PRKCH: variants seen among roughly 807,000 people sequenced by gnomAD.
PRKCH encodes protein kinase C eta type.
A neutral mutation model predicts 82.5 loss-of-function variants in PRKCH; 28 were observed. That is an observed-to-expected ratio of 0.34 (90% CI 0.25 to 0.47). The LOEUF (loss-of-function observed/expected upper bound fraction) is 0.47. PRKCH is among the 20% of genes least tolerant of loss of function. PRKCH has a pLI of 1.00. For missense variants in PRKCH, 705 were observed against 881.8 expected (o/e 0.80, Z 2.54); for synonymous variants, 322 against 327.4 (o/e 0.98, Z 0.18).
intron 2 of PRKCH, among the ~76,000 whole-genome samples, chr14:61,410,547 A>T (rs558562284): frequency 4.3e-4 from 66 of 152,218 alleles, no homozygotes; most frequent in African/African-American, 1.6e-3. Flanking sequence ...GATGCTGGTG[A>T]ATGGAGTCTA....
intron 1 of PRKCH, among the ~76,000 whole-genome samples, chr14:61,301,564 A>G (rs1418941179): frequency 1.3e-5 from 2 of 152,246 alleles, no homozygotes; most frequent in Non-Finnish European, 2.9e-5. Flanking sequence ...ACATCTGTTC[A>G]GGCACTGAGG....
intron 1 of PRKCH, among the ~76,000 whole-genome samples, chr14:61,367,746 G>A (rs1270909130): frequency 1.4e-5 from 2 of 138,880 alleles, no homozygotes; most frequent in Admixed American, 7.6e-5. Context: ...AAACAGTCTC[G>A]CTCTTTCACC....
Position 61,225,987 on chromosome 14 carries a change from T to A in PRKCH, c.-19+38319T>A, listed in dbSNP as rs77107171. On this transcript the variant is annotated intron_variant, in intron 1 of 3. Coordinates refer to the PRKCH transcript ENST00000555185. ...ATAAATATAATCTCAGGGGTGGGAATGTTTTTAATGAGAAGTAAAAATATC... is the reference window on the plus strand; with the variant it reads ...ATAAATATAATCTCAGGGGTGGGAAAGTTTTTAATGAGAAGTAAAAATATC... Among the ~76,000 whole-genome samples the A allele has an allele frequency of 4.2e-3, 636 of 152,334 alleles. 5 individuals are homozygous for A. Among genetic ancestry groups the A allele is most frequent in the African/African-American group, 0.015 (612 of 41,578 alleles).
rs1456417947 is a variant in PRKCH at position 61,322,335 on chromosome 14, C to T, written c.234C>T (p.Asp78=). Residue 78 remains aspartate, a synonymous_variant, in exon 1 of 14, where the codon GAC becomes GAT. Transcript: ENST00000332981. ...AGGAGTTTTGCGCTAACGTCACCGA[C>T]GGCGGCCACCTCGAGTTGGCCGTCT... The part of the protein sequence containing the change: ...YNEEFCANVT[D]GGHLELAVFH... The T allele has an allele frequency of 2.5e-6, 4 of 1,613,396 alleles. No homozygotes were observed. In the South Asian group the frequency reaches 4.4e-5, roughly 18 times the overall value.
At chr14:61,231,509 C>T (rs551335776) in intron 1 of PRKCH, among the ~76,000 whole-genome samples, 1 of 151,814 alleles carries the variant, frequency 6.6e-6, no homozygotes, top group Non-Finnish European at 1.5e-5. Context: ...ACTATAGGCA[C>T]CCGCCACCAC....
At chr14:61,352,401 G>A (rs1480129829) in intron 1 of PRKCH, among the ~76,000 whole-genome samples, 1 of 152,046 alleles carries the variant, frequency 6.6e-6, no homozygotes, top group Non-Finnish European at 1.5e-5. Flanking sequence ...GGTGGCTCAT[G>A]CCTGTGATCC....
chr14:61,256,305 G>T (rs1490796629), intron 1 of PRKCH, among the ~76,000 whole-genome samples: 1 of 152,082 alleles, frequency 6.6e-6, no homozygotes, highest in African/African-American at 2.4e-5. Context: ...TTCTTCCTTT[G>T]TCTCCTGTCG....
chr14:61,518,735 A>G (rs1458575950), intron 10 of PRKCH, among the ~76,000 whole-genome samples: 3 of 152,176 alleles, frequency 2.0e-5, no homozygotes, highest in Non-Finnish European at 2.9e-5. Flanking sequence ...GGCATCAAAC[A>G]CCCAGAACAG....
chr14:61,493,581 C>T (rs1450339378), intron 10 of PRKCH, among the ~76,000 whole-genome samples: 1 of 152,192 alleles, frequency 6.6e-6, no homozygotes, highest in East Asian at 1.9e-4. Flanking sequence ...GGGAAAGAAT[C>T]ATTATTTGAT....
At chr14:61,242,659 A>C (rs7148419) in intron 1 of PRKCH, among the ~76,000 whole-genome samples, 27,432 of 152,092 alleles carry the variant, frequency 0.18, 2,722 homozygotes, top group African/African-American at 0.24. Flanking sequence ...CGGCCTCCCA[A>C]AGTGCTGGGA....
At chr14:61,397,230 A>T (rs1018633956) in intron 2 of PRKCH, among the ~76,000 whole-genome samples, 7 of 152,208 alleles carry the variant, frequency 4.6e-5, no homozygotes, top group African/African-American at 1.7e-4. Context: ...GATGTGGAGG[A>T]TGAAGAAAGA....
intron 1 of PRKCH, among the ~76,000 whole-genome samples, chr14:61,214,195 C>T (rs904234730): frequency 1.3e-5 from 2 of 152,170 alleles, no homozygotes; most frequent in East Asian, 1.9e-4. Context: ...TCGTATTTCT[C>T]ATCACCCATC....
chr14:61,411,429 GACTTT>G (rs1882264392), intron 2 of PRKCH, among the ~76,000 whole-genome samples: 1 of 152,142 alleles, frequency 6.6e-6, no homozygotes, highest in South Asian at 2.1e-4. Context: ...CCTATAGGGG[GACTTT>G]ACTTTTGGCC....
chr14:61,360,490 G>T (rs2046210629), intron 1 of PRKCH, among the ~76,000 whole-genome samples: 4 of 151,962 alleles, frequency 2.6e-5, no homozygotes, highest in African/African-American at 9.7e-5. Context: ...GGGTGTCAGA[G>T]TGAGACTCCA....
At chr14:61,392,085 AT>A (rs1401661699) in intron 2 of PRKCH, among the ~76,000 whole-genome samples, 1 of 151,446 alleles carries the variant, frequency 6.6e-6, no homozygotes, top group South Asian at 2.1e-4. Context: ...GTATATCAGT[AT>A]TTTTTTCATT....
chr14:61,297,871 A>G (rs774250162), intron 1 of PRKCH, among the ~76,000 whole-genome samples: 4 of 152,182 alleles, frequency 2.6e-5, no homozygotes, highest in Non-Finnish European at 4.4e-5. Context: ...CACCAGAAGC[A>G]TTTGCTTACA....
At chr14:61,210,642 T>A (rs764033249) in intron 1 of PRKCH, among the ~76,000 whole-genome samples, 1 of 152,056 alleles carries the variant, frequency 6.6e-6, no homozygotes, top group Non-Finnish European at 1.5e-5. Flanking sequence ...ATTTTACAGA[T>A]GAGGTCAAGG....
At chr14:61,437,163 A>T (rs1307420002) in intron 2 of PRKCH, among the ~76,000 whole-genome samples, 1 of 152,206 alleles carries the variant, frequency 6.6e-6, no homozygotes, top group African/African-American at 2.4e-5. Flanking sequence ...TAGTTAAGTT[A>T]GGCATTTGTT....
chr14:61,470,642 A>G (rs1885460271), intron 9 of PRKCH, among the ~76,000 whole-genome samples: 1 of 152,058 alleles, frequency 6.6e-6, no homozygotes, highest in Non-Finnish European at 1.5e-5. Flanking sequence ...TAGTTATAGC[A>G]AAAGAGCCTG....
Sources: allele counts gnomAD v4.1 joint callset (sites outside exome capture counted in the v4.1 genomes callset), GRCh38; gene constraint gnomAD v4.1.1; transcripts MANE v1.5; gene names NCBI Gene and HGNC (gene_info 2026-07-23, HGNC 2026-07-21).